DOCK3: variants seen among roughly 807,000 people sequenced by gnomAD.
DOCK3 encodes dedicator of cytokinesis 3, also known as dedicator of cytokinesis protein 3.
Under a neutral mutation model 265.6 loss-of-function variants are expected in DOCK3, and 60 were observed. That is an observed-to-expected ratio of 0.23 (90% confidence interval 0.18 to 0.28). The LOEUF (loss-of-function observed/expected upper bound fraction) is 0.28. DOCK3 is among the 10% of genes least tolerant of loss of function. DOCK3 has a pLI of 1.00. For synonymous variants in DOCK3, 881 were observed against 938.0 expected, an observed-to-expected ratio of 0.94 and a Z score of 1.11; for missense variants, 1,981 against 2,594.3, an observed-to-expected ratio of 0.76 and a Z score of 5.14.
intron 5 of DOCK3, among the ~76,000 whole-genome samples, chr3:50,970,576 A>G (rs992713960): frequency 1.1e-4 from 16 of 151,360 alleles, no homozygotes; most frequent in East Asian, 9.7e-4. Context: ...GTTCTAGTCT[A>G]TTGTCTTCAG....
chr3:50,805,731 C>T lies in DOCK3; in HGVS notation c.121+26973C>T, dbSNP rs150808062. 4.0e-3 allele frequency among the ~76,000 whole-genome samples: 603 copies of T among 152,208 alleles called. 2 individuals are homozygous for T. The highest frequency in any genetic ancestry group is 6.1e-3 in the Non-Finnish European group (415 of 68,018). ...TCTGGATTTTGCCCACCATGGACAG[C>T]CCATGGAGCTATTTCTTTGGCCTCG... On this transcript the variant is annotated intron_variant, in intron 2 of 52. Coordinates refer to ENST00000266037, the MANE Select transcript of DOCK3 (RefSeq NM_004947.5).
chr3:50,724,701 G>A (rs1274716407), intron 1 of DOCK3, among the ~76,000 whole-genome samples: 4 of 152,030 alleles, frequency 2.6e-5, no homozygotes, highest in Non-Finnish European at 5.9e-5. Context: ...TGGGGGTCTG[G>A]GGGAGGGATA....
chr3:51,133,098 C>T lies in DOCK3; in HGVS notation c.747-13451C>T, dbSNP rs569991589. On this transcript the variant is annotated intron_variant, in intron 9 of 52. Coordinates refer to ENST00000266037, the MANE Select transcript of DOCK3 (RefSeq NM_004947.5). ...AACTAGACTAAGGTCCTGGCAGGTCCCTAGAGGTGAGGCTGAGAGTGTGAC... is the reference window on the plus strand; with the variant it reads ...AACTAGACTAAGGTCCTGGCAGGTCTCTAGAGGTGAGGCTGAGAGTGTGAC... 1.4e-3 allele frequency among the ~76,000 whole-genome samples: 211 copies of T among 152,178 alleles called. 1 individual carries two copies. Among genetic ancestry groups the T allele is most frequent in the Non-Finnish European group, 1.7e-3 (119 of 68,004 alleles).
intron 12 of DOCK3, among the ~76,000 whole-genome samples, chr3:51,188,805 G>A (rs972721649): frequency 9.9e-6 from 1 of 100,884 alleles, no homozygotes; most frequent in African/African-American, 4.1e-5. Context: ...GTGGGGGTGT[G>A]GGTGTGTGTA....
At chr3:51,063,202 T>A (rs2081479801) in intron 5 of DOCK3, among the ~76,000 whole-genome samples, 2 of 150,138 alleles carry the variant, frequency 1.3e-5, no homozygotes, top group African/African-American at 4.9e-5. Context: ...GGGCAACATA[T>A]CAAGACTCTA....
At chr3:50,750,370 CT>C (rs2039718586) in intron 1 of DOCK3, among the ~76,000 whole-genome samples, 1 of 117,658 alleles carries the variant, frequency 8.5e-6, no homozygotes, top group Non-Finnish European at 1.6e-5. Flanking sequence ...TTCTGTCATT[CT>C]GTCACCAGGC....
chr3:50,986,404 G>A (rs924531547), intron 5 of DOCK3, among the ~76,000 whole-genome samples: 1 of 152,150 alleles, frequency 6.6e-6, no homozygotes, highest in African/African-American at 2.4e-5. Context: ...CAGTGAAATT[G>A]TGAAGATTAG....
rs1006451025 is a variant in DOCK3, at chr3:51,335,862, T to C, written c.3612-2497T>C. On this transcript the variant is annotated intron_variant, in intron 35 of 52. Transcript: ENST00000266037. ...GGAAAAGTAGCCAGGCATGGTGACA[T>C]GCACCTGTGGTCCCAGCTACTTTGG... Among the ~76,000 whole-genome samples the C allele has an allele frequency of 3.0e-4, 45 of 151,910 alleles. 1 individual carries two copies. The highest frequency in any genetic ancestry group is 2.8e-3 in the Admixed American group (43 of 15,254).
chr3:51,272,932 A>G (rs1423226911), intron 24 of DOCK3, among the ~76,000 whole-genome samples: 2 of 152,060 alleles, frequency 1.3e-5, no homozygotes, highest in African/African-American at 2.4e-5. Flanking sequence ...TGGGAGGCCA[A>G]GGTGTGTGGA....
intron 5 of DOCK3, among the ~76,000 whole-genome samples, 185 bp downstream of exon 5, chr3:50,934,262 C>T (rs2051233841): frequency 6.6e-6 from 1 of 152,142 alleles, no homozygotes. Flanking sequence ...CATTATTATT[C>T]ATATGCCTGT....
intron 40 of DOCK3, among the ~76,000 whole-genome samples, chr3:51,354,559 G>A (rs2086233502): frequency 6.6e-6 from 1 of 152,116 alleles, no homozygotes; most frequent in Non-Finnish European, 1.5e-5. Flanking sequence ...CCTGACCTAG[G>A]TGGACCTTTC....
intron 9 of DOCK3, among the ~76,000 whole-genome samples, chr3:51,092,495 A>G (rs1452320360): frequency 2.6e-5 from 4 of 152,226 alleles, no homozygotes. Context: ...TCTCTGAAAA[A>G]AAGGCAGCAG....
chr3:50,974,621 G>T lies in DOCK3; in HGVS notation c.315+40544G>T, dbSNP rs942371444. ...TGGCTTAGGATTGACTTGGCGATGCGGGCTCTTTTTTGGTTCCATATGAAC... is the reference window on the plus strand; with the variant it reads ...TGGCTTAGGATTGACTTGGCGATGCTGGCTCTTTTTTGGTTCCATATGAAC... On this transcript the variant is annotated intron_variant, in intron 5 of 52. Coordinates refer to ENST00000266037, the MANE Select transcript of DOCK3 (RefSeq NM_004947.5). Among the ~76,000 whole-genome samples the T allele has an allele frequency of 9.8e-5, 14 of 142,558 alleles. 1 individual carries two copies. The highest frequency in any genetic ancestry group is 3.6e-4 in the African/African-American group (14 of 38,488). The allele number at this position is 142,558 out of a possible 152,430, so 93.5% of individuals were successfully genotyped here.
At chr3:50,748,659 G>C (rs1198796226) in intron 1 of DOCK3, among the ~76,000 whole-genome samples, 1 of 152,116 alleles carries the variant, frequency 6.6e-6, no homozygotes, top group Non-Finnish European at 1.5e-5. Context: ...GCTTTCCATG[G>C]CTTAGATGTA....
chr3:51,024,098 A>G (rs1016199854), intron 5 of DOCK3, among the ~76,000 whole-genome samples: 2 of 152,110 alleles, frequency 1.3e-5, no homozygotes, highest in Non-Finnish European at 2.9e-5. Flanking sequence ...GTAGTAAATT[A>G]TTTTAGCCTA....
intron 12 of DOCK3, among the ~76,000 whole-genome samples, chr3:51,183,738 T>C (rs570502733): frequency 6.6e-6 from 1 of 152,240 alleles, no homozygotes; most frequent in South Asian, 2.1e-4. Context: ...TCCTACTCAT[T>C]CTTAGAATAG....
At chr3:50,874,707 T>C (rs2107609227) in intron 3 of DOCK3, among the ~76,000 whole-genome samples, 1 of 152,282 alleles carries the variant, frequency 6.6e-6, no homozygotes, top group Admixed American at 6.5e-5. Flanking sequence ...TTATTTTTGG[T>C]AGCTATTGTA....
At chr3:51,326,839 G>A (rs928716383) in intron 32 of DOCK3, among the ~76,000 whole-genome samples, 6 of 151,886 alleles carry the variant, frequency 4.0e-5, no homozygotes, top group African/African-American at 1.5e-4. Context: ...TGGTCAGGCT[G>A]GTCTCAAACT....
intron 38 of DOCK3, among the ~76,000 whole-genome samples, chr3:51,345,018 C>G: frequency 6.6e-6 from 1 of 152,324 alleles, no homozygotes; most frequent in Non-Finnish European, 1.5e-5. Flanking sequence ...TGTTAGCAGA[C>G]AGGGCATCTT....
Sources: gnomAD v4.1 joint callset for allele counts (sites outside exome capture counted in the v4.1 genomes callset) on GRCh38, gnomAD v4.1.1 for gene constraint, MANE v1.5 for transcripts, NCBI Gene and HGNC (gene_info 2026-07-23, HGNC 2026-07-21) for gene names.